Variants in ZNF385D observed in about 807,000 individuals in gnomAD.
ZNF385D encodes the protein zinc finger protein 659.
Under a neutral mutation model 35.8 loss-of-function variants are expected in ZNF385D, and 15 were observed. The ratio of observed to expected loss-of-function variants is 0.42; its 90% CI spans 0.28 to 0.64. The LOEUF (loss-of-function observed/expected upper bound fraction) is 0.64, where lower values mean the gene tolerates loss of function less well. Ranked by LOEUF, ZNF385D falls within the 30% of genes least tolerant of loss-of-function variation. The pLI is 0.23. For missense variants in ZNF385D, 474 were observed against 494.6 expected, an observed-to-expected ratio of 0.96 and a Z score of 0.39; for synonymous variants, 212 against 186.8, an observed-to-expected ratio of 1.13 and a Z score of -1.10.
chr3:21,840,339 G>A (rs1160181241), intron 3 of ZNF385D, among the ~76,000 whole-genome samples: 1 of 152,038 alleles, frequency 6.6e-6, no homozygotes, highest in Non-Finnish European at 1.5e-5. Context: ...AAGAGCTGGA[G>A]GCAAGTGGTA....
At chr3:22,079,802 A>T (rs1324853279) in intron 3 of ZNF385D, among the ~76,000 whole-genome samples, 1 of 152,036 alleles carries the variant, frequency 6.6e-6, no homozygotes, top group Non-Finnish European at 1.5e-5. Flanking sequence ...GACCTTGGAC[A>T]TACGGGTATT....
In ZNF385D at chr3:22,203,846, A is replaced by G. The variant is rs544436504; in HGVS notation, c.107-34811T>C. Among the ~76,000 whole-genome samples, 70 of 152,248 alleles carry G rather than the reference A, an allele frequency of 4.6e-4. 1 individual carries two copies. The highest frequency in any genetic ancestry group is 1.5e-3 in the African/African-American group (64 of 41,566). On this transcript the variant is annotated intron_variant, in intron 2 of 5. Coordinates refer to the ZNF385D transcript ENST00000494108. ...GAATAGAGCATCAGGTAGATTTCTG[A>G]GATTCCAACTTCAAACCATGGCTTC...
chr3:22,254,902 A>G (rs1417924375), intron 2 of ZNF385D, among the ~76,000 whole-genome samples: 2 of 151,870 alleles, frequency 1.3e-5, no homozygotes, highest in Non-Finnish European at 2.9e-5. Context: ...AAAGATGGCC[A>G]AATAATTGAC....
At chr3:21,988,477 G>T (rs1694945796) in intron 3 of ZNF385D, among the ~76,000 whole-genome samples, 1 of 140,084 alleles carries the variant, frequency 7.1e-6, no homozygotes, top group Admixed American at 6.9e-5. Flanking sequence ...CAGTTAGGCT[G>T]CTCGGGGGTC....
At chr3:22,177,256 T>C (rs1303424993) in intron 2 of ZNF385D, among the ~76,000 whole-genome samples, 1 of 152,174 alleles carries the variant, frequency 6.6e-6, no homozygotes, top group East Asian at 1.9e-4. Flanking sequence ...ATGCACCAAA[T>C]ATCTTTGTGC....
At chr3:21,444,541 C>A (rs4858321) in intron 4 of ZNF385D, among the ~76,000 whole-genome samples, 1 of 151,226 alleles carries the variant, frequency 6.6e-6, no homozygotes, top group Non-Finnish European at 1.5e-5. Context: ...CACACCACCA[C>A]GCCCAGCTAA....
chr3:21,436,930 G>A (rs1445009521), intron 5 of ZNF385D, 40 bp downstream of exon 5: 3 of 1,577,066 alleles, frequency 1.9e-6, no homozygotes, highest in Non-Finnish European at 2.6e-6. Context: ...GAAGATAATT[G>A]CAGAGCTGTT....
chr3:21,679,783 C>T (rs1276906620), intron 1 of ZNF385D, among the ~76,000 whole-genome samples: 1 of 152,068 alleles, frequency 6.6e-6, no homozygotes, highest in African/African-American at 2.4e-5. Context: ...AAGCGACTTA[C>T]TTGATTGACC....
chr3:22,244,350 C>A (rs1699652820), intron 2 of ZNF385D, among the ~76,000 whole-genome samples: 2 of 87,466 alleles, frequency 2.3e-5, no homozygotes, highest in East Asian at 3.1e-4. Context: ...AAAGTGATAC[C>A]AGACAACCGA....
At chr3:22,298,035 G>C (rs905526134) in intron 2 of ZNF385D, among the ~76,000 whole-genome samples, 1 of 151,902 alleles carries the variant, frequency 6.6e-6, no homozygotes, top group Non-Finnish European at 1.5e-5. Context: ...AATGATGAAG[G>C]GTAGAGGGAA....
intron 1 of ZNF385D, among the ~76,000 whole-genome samples, chr3:21,667,309 A>C (rs1222104606): frequency 6.6e-6 from 1 of 151,998 alleles, no homozygotes; most frequent in Non-Finnish European, 1.5e-5. Context: ...CTACAGGCGC[A>C]TGCCACCATG....
chr3:21,969,345 C>A (rs67400140), intron 3 of ZNF385D, among the ~76,000 whole-genome samples: 3 of 151,798 alleles, frequency 2.0e-5, no homozygotes, highest in Non-Finnish European at 4.4e-5. Context: ...ATTCTGTGCT[C>A]ATGGTAGGGA....
At chr3:22,140,496 T>C (rs1461720901) in intron 3 of ZNF385D, among the ~76,000 whole-genome samples, 1 of 152,172 alleles carries the variant, frequency 6.6e-6, no homozygotes, top group Non-Finnish European at 1.5e-5. Context: ...TGAAAATGTA[T>C]CTATGTGATA....
intron 3 of ZNF385D, among the ~76,000 whole-genome samples, chr3:21,911,956 C>A (rs968861362): frequency 1.3e-5 from 2 of 151,738 alleles, no homozygotes; most frequent in African/African-American, 4.8e-5. Context: ...TAAGAGTGAT[C>A]TAGTACCTTA....
intron 3 of ZNF385D, among the ~76,000 whole-genome samples, chr3:21,858,268 G>A (rs1696845136): frequency 6.6e-6 from 1 of 151,978 alleles, no homozygotes; most frequent in South Asian, 2.1e-4. Flanking sequence ...CAATTCTGAG[G>A]GGTGTTAAGG....
intron 3 of ZNF385D, among the ~76,000 whole-genome samples, chr3:22,017,439 T>A (rs534669641): frequency 2.6e-5 from 4 of 152,064 alleles, no homozygotes; most frequent in Admixed American, 2.6e-4. Flanking sequence ...GTATCTCTTG[T>A]AAAGAAATCA....
intron 2 of ZNF385D, among the ~76,000 whole-genome samples, chr3:22,179,534 A>G (rs1177012955): frequency 2.6e-5 from 4 of 152,260 alleles, no homozygotes; most frequent in Non-Finnish European, 5.9e-5. Flanking sequence ...ATCTGCAAAC[A>G]GGGACAATCT....
chr3:21,846,537 A>G (rs780149088), intron 3 of ZNF385D, among the ~76,000 whole-genome samples: 1 of 152,042 alleles, frequency 6.6e-6, no homozygotes, highest in Non-Finnish European at 1.5e-5. Context: ...GAGGTGAAGC[A>G]GTCTTTTCCT....
chr3:21,860,721 T>G (rs1697003341), intron 3 of ZNF385D, among the ~76,000 whole-genome samples: 1 of 152,164 alleles, frequency 6.6e-6, no homozygotes, highest in South Asian at 2.1e-4. Flanking sequence ...CTCAAAATCA[T>G]ATATTAATTT....
Sources: allele counts gnomAD v4.1 joint callset (sites outside exome capture counted in the v4.1 genomes callset), GRCh38; gene constraint gnomAD v4.1.1; transcripts MANE v1.5; gene names NCBI Gene and HGNC (gene_info 2026-07-23, HGNC 2026-07-21).